The following CRIM1 variants were observed in gnomAD, a reference collection of about 807,000 sequenced individuals.
CRIM1 encodes cysteine rich transmembrane BMP regulator 1, also known as cysteine-rich motor neuron 1 protein.
In CRIM1, 32 loss-of-function variants were observed where a neutral mutation model predicts 116.4. The observed-to-expected ratio is 0.27, with a 90% confidence interval of 0.21 to 0.37. The LOEUF (loss-of-function observed/expected upper bound fraction) is 0.37. Ranked by LOEUF, CRIM1 falls within the 10% of genes least tolerant of loss-of-function variation. The probability of loss-of-function intolerance (pLI) is 1.00; values close to 1 mark genes in which losing one functional copy is unlikely to be tolerated. For missense variants in CRIM1, 1,331 were observed against 1,354.8 expected (o/e 0.98, Z 0.28); for synonymous variants, 590 against 509.2 (o/e 1.16, Z -2.13).
intron 5 of CRIM1, among the ~76,000 whole-genome samples, chr2:36,466,161 C>T (rs1027062687): frequency 1.3e-5 from 2 of 152,138 alleles, no homozygotes; most frequent in Admixed American, 1.3e-4. Flanking sequence ...ACTGGGATTA[C>T]ACGTGTGAGC....
intron 4 of CRIM1, among the ~76,000 whole-genome samples, chr2:36,463,987 C>T (rs1677791237): frequency 6.6e-6 from 1 of 152,138 alleles, no homozygotes; most frequent in Non-Finnish European, 1.5e-5. Flanking sequence ...TTAAATATTG[C>T]TCAAGATGAG....
chr2:36,420,272 A>G (rs1015971336), intron 2 of CRIM1, among the ~76,000 whole-genome samples: 1 of 152,192 alleles, frequency 6.6e-6, no homozygotes, highest in Non-Finnish European at 1.5e-5. Flanking sequence ...GAGCATGCTT[A>G]TATATCAGAT....
At chr2:36,465,221 T>C (rs887012952) in intron 5 of CRIM1, among the ~76,000 whole-genome samples, 26 of 152,180 alleles carry the variant, frequency 1.7e-4, no homozygotes, top group Non-Finnish European at 1.3e-4. Context: ...GAAAAAGGAT[T>C]CTTGGGTCAC....
chr2:36,384,390 T>G (rs575938602), intron 1 of CRIM1, among the ~76,000 whole-genome samples: 2 of 152,258 alleles, frequency 1.3e-5, no homozygotes, highest in South Asian at 4.1e-4. Context: ...CATCATAGAT[T>G]TATAGATACG....
chr2:36,374,058 C>T (rs929816079), intron 1 of CRIM1, among the ~76,000 whole-genome samples: 5 of 152,246 alleles, frequency 3.3e-5, no homozygotes, highest in African/African-American at 1.2e-4. Context: ...AAGGCACCTA[C>T]CAGGTTTATA....
intron 4 of CRIM1, among the ~76,000 whole-genome samples, chr2:36,461,239 A>C (rs1677559320): frequency 6.6e-6 from 1 of 152,172 alleles, no homozygotes; most frequent in Non-Finnish European, 1.5e-5. Context: ...AGAGGGCTTC[A>C]GAAATGAGGG....
At chr2:36,517,165 T>C (rs1036936781) in intron 11 of CRIM1, among the ~76,000 whole-genome samples, 162 bp from the exon 12 acceptor site, 2 of 152,230 alleles carry the variant, frequency 1.3e-5, no homozygotes, top group Non-Finnish European at 2.9e-5. Flanking sequence ...GTCTTCTGTT[T>C]CCATGCATGG....
At chr2:36,437,440 G>A (rs1429082815) in intron 2 of CRIM1, among the ~76,000 whole-genome samples, 1 of 151,508 alleles carries the variant, frequency 6.6e-6, no homozygotes, top group Admixed American at 6.6e-5. Context: ...AAAAGAGAGA[G>A]AACTAAAGAT....
chr2:36,421,857 C>T (rs1214279492), intron 2 of CRIM1, among the ~76,000 whole-genome samples: 1 of 151,894 alleles, frequency 6.6e-6, no homozygotes. Context: ...GTGTTTGCAG[C>T]AGTTTTTTCA....
chr2:36,437,502 A>C (rs946695176), intron 2 of CRIM1, among the ~76,000 whole-genome samples: 2 of 152,248 alleles, frequency 1.3e-5, no homozygotes, highest in Non-Finnish European at 1.5e-5. Flanking sequence ...TAGGAAGTCA[A>C]ATTCAACAGG....
At chr2:36,543,258 C>T (rs981355) in intron 14 of CRIM1, among the ~76,000 whole-genome samples, 56,420 of 151,828 alleles carry the variant, frequency 0.37, 10,768 homozygotes, top group East Asian at 0.6. Context: ...GGCTGGGTAC[C>T]CAGTTAACTC....
intron 1 of CRIM1, among the ~76,000 whole-genome samples, chr2:36,390,822 A>AT (rs936919213): frequency 1.1e-4 from 17 of 151,920 alleles, no homozygotes; most frequent in African/African-American, 4.1e-4. Flanking sequence ...TTATTTATTT[A>AT]TTTTTTTGAC....
intron 1 of CRIM1, among the ~76,000 whole-genome samples, chr2:36,364,582 C>T (rs942008717): frequency 2.0e-5 from 3 of 152,166 alleles, no homozygotes; most frequent in African/African-American, 4.8e-5. Context: ...GTCTCCTCTC[C>T]TCCCTCCTTT....
intron 12 of CRIM1, among the ~76,000 whole-genome samples, chr2:36,520,211 C>T (rs1376779430): frequency 6.6e-6 from 1 of 152,184 alleles, no homozygotes; most frequent in Non-Finnish European, 1.5e-5. Flanking sequence ...TATTTCCAGG[C>T]CTCAGTGAGA....
intron 4 of CRIM1, among the ~76,000 whole-genome samples, chr2:36,447,490 G>A (rs972644776): frequency 6.6e-6 from 1 of 152,158 alleles, no homozygotes; most frequent in Non-Finnish European, 1.5e-5. Context: ...CAGTTCTTCT[G>A]TAGCCAGCTG....
At chr2:36,534,448 A>G (rs1317022685) in intron 13 of CRIM1, among the ~76,000 whole-genome samples, 1 of 104,582 alleles carries the variant, frequency 9.6e-6, no homozygotes. Flanking sequence ...AGGGAGGGAG[A>G]GAGGGAGGGG....
chr2:36,416,020 C>T (rs930362657), intron 2 of CRIM1, among the ~76,000 whole-genome samples: 10 of 152,126 alleles, frequency 6.6e-5, no homozygotes, highest in Non-Finnish European at 1.2e-4. Flanking sequence ...CCAGCCAGGG[C>T]AACATGGTGA....
intron 8 of CRIM1, among the ~76,000 whole-genome samples, chr2:36,505,371 ACC>A (rs1681319601): frequency 6.7e-6 from 1 of 150,234 alleles, no homozygotes; most frequent in Non-Finnish European, 1.5e-5. Flanking sequence ...TTAAGTTCCT[ACC>A]ATATATTTCT....
chr2:36,543,128 G>A (rs1041623829), intron 14 of CRIM1, among the ~76,000 whole-genome samples: 4 of 151,962 alleles, frequency 2.6e-5, no homozygotes, highest in African/African-American at 4.8e-5. Context: ...GACTATTCTT[G>A]GAGGCAACAA....
Sources: gnomAD v4.1 joint callset for allele counts (sites outside exome capture counted in the v4.1 genomes callset) on GRCh38, gnomAD v4.1.1 for gene constraint, MANE v1.5 for transcripts, NCBI Gene and HGNC (gene_info 2026-07-23, HGNC 2026-07-21) for gene names.